The following MYO19 variants were observed in gnomAD, a reference collection of about 807,000 sequenced individuals.
MYO19 encodes unconventional myosin-XIX.
MYO19 carries 132 observed loss-of-function variants against 129.2 expected under a neutral mutation model. The ratio of observed to expected loss-of-function variants is 1.02; its 90% CI spans 0.89 to 1.18. The LOEUF is 1.18. Ranked by LOEUF, MYO19 falls within the 50% of genes most tolerant of loss-of-function variation. MYO19 has a pLI of 0.00. For missense variants in MYO19, 1,210 were observed against 1,216.7 expected (o/e 0.99, Z 0.08); for synonymous variants, 531 against 477.2 (o/e 1.11, Z -1.47).
At chr17:36,538,635 A>G (rs1010976724), upstream of MYO19, 27 of 1,526,764 alleles carry the variant, frequency 1.8e-5, no homozygotes, top group African/African-American at 2.8e-5. Flanking sequence ...AGTAGGATAT[A>G]TAAGTATTTG....
Position 36,510,932 on chromosome 17 carries a change from T to C in MYO19, c.986-15A>G. ...CCTGACAGAGTCTGGGAGGGGCAAA[T>C]CCTCTTTAGGCAAATCACTCTCCAT... is the stretch of plus-strand genomic sequence containing the variant. On this transcript the variant is annotated splice_polypyrimidine_tract_variant and intron_variant, in intron 12 of 25. Transcript: ENST00000614623. 1 of 1,559,880 alleles carries C rather than the reference T, an allele frequency of 6.4e-7. No individual in the cohort carries two copies.
chr17:36,513,031 A>G (rs1005047732), intron 11 of MYO19: 16 of 1,063,238 alleles, frequency 1.5e-5, no homozygotes, highest in South Asian at 1.2e-4. Context: ...TCTCAGGCAT[A>G]AAGGGAAATA....
chr17:36,520,986 A>AC (rs2073097166), intron 6 of MYO19, among the ~76,000 whole-genome samples: 1 of 152,210 alleles, frequency 6.6e-6, no homozygotes, highest in African/African-American at 2.4e-5. Flanking sequence ...CTATTCACCA[A>AC]CAGTTAAGTT....
At chr17:36,509,289 C>A in intron 13 of MYO19, 154 bp from the exon 14 acceptor site, 1 of 668,012 alleles carries the variant, frequency 1.5e-6, no homozygotes, top group South Asian at 1.7e-5. Flanking sequence ...TTGCTTCCGG[C>A]CTATCACGTC....
intron 1 of MYO19, 136 bp from the exon 2 acceptor site, chr17:36,534,240 G>A (rs1447422916): frequency 1.3e-5 from 2 of 152,308 alleles, no homozygotes; most frequent in East Asian, 1.9e-4. Context: ...ACGCTGAGAA[G>A]CGCTGGGTAA....
rs1439261956 is a variant in MYO19 at position 36,495,731 on chromosome 17, TAAAATC to T, written c.*514_*519del. 2.4e-6 allele frequency: 3 copies of T among 1,247,606 alleles called. No homozygotes were observed. In the African/African-American group the frequency reaches 4.6e-5, roughly 19 times the overall value. The allele number at this position is 1,247,606 out of a possible 1,614,324, so 77.3% of individuals were successfully genotyped here. On this transcript the variant is annotated 3_prime_UTR_variant, in exon 26 of 26. Coordinates refer to ENST00000614623, the MANE Select transcript of MYO19 (RefSeq NM_001163735.2). ...TGGAGTTAAACTTGGTCAGTGTTAA[TAAAATC>T]AAAACGTGATTCTACTGTACATTGC...
At chr17:36,512,196 A>C (rs868568210) in intron 11 of MYO19, among the ~76,000 whole-genome samples, 6 of 138,134 alleles carry the variant, frequency 4.3e-5, no homozygotes, top group South Asian at 2.3e-4. Context: ...ACTAAAAATA[A>C]ACACACACAC....
chr17:36,522,028 T>TACAA, intron 6 of MYO19, among the ~76,000 whole-genome samples: 1 of 115,300 alleles, frequency 8.7e-6, no homozygotes, highest in South Asian at 2.8e-4. Context: ...AGACTGTCTT[T>TACAA]AAAAAAAAAA....
Position 36,499,044 on chromosome 17 carries a change from T to C in MYO19, c.2463+31A>G, listed in dbSNP as rs146772631. Reference sequence around the variant, plus strand: ...CATCTGGTCCCCAAAATTGATCCACTGCCCACCCCGACTTCTTGGGTCTTA... The same window carrying C: ...CATCTGGTCCCCAAAATTGATCCACCGCCCACCCCGACTTCTTGGGTCTTA... On this transcript the variant is annotated intron_variant, in intron 24 of 25. Coordinates refer to ENST00000614623, the MANE Select transcript of MYO19 (RefSeq NM_001163735.2). 5 of 1,559,814 alleles carry C rather than the reference T, an allele frequency of 3.2e-6. No individual in the cohort carries two copies. The African/African-American group carries it at 4.0e-5, about 13-fold the overall frequency.
chr17:36,537,783 C>T, upstream of MYO19: 1 of 1,614,094 alleles, frequency 6.2e-7, no homozygotes, highest in Non-Finnish European at 8.5e-7. Flanking sequence ...CTATCAGGAA[C>T]ATTTAACAGA....
At chr17:36,533,583 C>T (rs748653339) in intron 2 of MYO19, 1 of 152,212 alleles carries the variant, frequency 6.6e-6, no homozygotes, top group Non-Finnish European at 1.5e-5. Flanking sequence ...CTTTAAAGAA[C>T]CCAGGGATAG....
intron 8 of MYO19, 102 bp from the exon 9 acceptor site, chr17:36,514,650 G>A (rs979621430): frequency 3.0e-5 from 23 of 754,704 alleles, no homozygotes; most frequent in African/African-American, 3.5e-5. Context: ...GCAACTCCCC[G>A]CCAAGCTCTT....
intron 24 of MYO19, 155 bp from the exon 25 acceptor site, chr17:36,498,714 T>C (rs1599195496): frequency 2.5e-6 from 2 of 791,290 alleles, no homozygotes; most frequent in Non-Finnish European, 3.9e-6. Context: ...ACTGGTTCCA[T>C]ATGCCACAAG....
chr17:36,499,660 G>GTTTCTTTTTTCTTTTTT (rs2071342792), intron 23 of MYO19: 1 of 54,476 alleles, frequency 1.8e-5, no homozygotes, highest in African/African-American at 7.8e-5. Flanking sequence ...TTTTCTTTTT[G>GTTTCTTTTTTCTTTTTT]TTTCTTTTTT....
chr17:36,523,821 T>C (rs2073296069), intron 6 of MYO19, among the ~76,000 whole-genome samples: 1 of 152,112 alleles, frequency 6.6e-6, no homozygotes, highest in African/African-American at 2.4e-5. Flanking sequence ...TAAGCAGTAG[T>C]TTAAAAATAC....
rs1051745453 is a variant in MYO19, at chr17:36,495,800, A to G, written c.*451T>C. On this transcript the variant is annotated 3_prime_UTR_variant, in exon 26 of 26. Coordinates refer to ENST00000614623, the MANE Select transcript of MYO19 (RefSeq NM_001163735.2). ...TTAATTGTTTGAAATTACATTAAAT[A>G]AATCAACTAATTAAATACTAAAGTT... is the stretch of plus-strand genomic sequence containing the variant. The G allele has an allele frequency of 3.2e-6, 4 of 1,240,726 alleles. No individual in the cohort carries two copies. Among genetic ancestry groups the G allele is most frequent in the Non-Finnish European group, 4.0e-6 (4 of 992,634 alleles). 76.9% of individuals were successfully genotyped at this position (1,240,726 alleles called of 1,614,324 possible).
At chr17:36,498,675 G>A (rs1028097101) in intron 24 of MYO19, 116 bp from the exon 25 acceptor site, 26 of 1,251,418 alleles carry the variant, frequency 2.1e-5, no homozygotes, top group Non-Finnish European at 2.5e-5. Context: ...AAGGCACCTG[G>A]TTGCAAACAG....
intron 1 of MYO19, chr17:36,542,344 A>G (rs2142634309): frequency 6.6e-6 from 1 of 152,330 alleles, no homozygotes; most frequent in East Asian, 1.9e-4. Context: ...AATTAAAATT[A>G]GCACCTATAT....
At chr17:36,505,019 T>C (rs1599249278) in intron 19 of MYO19, 1 of 624,326 alleles carries the variant, frequency 1.6e-6, no homozygotes, top group Admixed American at 2.0e-5. Context: ...GAGACACCCA[T>C]TCCTCTGGGC....
Sources: allele counts gnomAD v4.1 joint callset (sites outside exome capture counted in the v4.1 genomes callset), GRCh38; gene constraint gnomAD v4.1.1; transcripts MANE v1.5; gene names NCBI Gene and HGNC (gene_info 2026-07-23, HGNC 2026-07-21).